Variants in TMEM45A observed in about 807,000 individuals in gnomAD.
TMEM45A encodes transmembrane protein 45A, also known as DNA polymerase-transactivated protein 4.
A neutral mutation model predicts 32.0 loss-of-function variants in TMEM45A; 25 were observed. That is an observed-to-expected ratio of 0.78 (90% CI 0.57 to 1.09). The LOEUF (loss-of-function observed/expected upper bound fraction) is 1.09, where lower values mean the gene tolerates loss of function less well. Ranked by LOEUF, TMEM45A falls within the 50% of genes least tolerant of loss-of-function variation. The pLI, the probability that TMEM45A is intolerant of heterozygous loss-of-function variation, is 0.00. For missense variants in TMEM45A, 302 were observed against 325.0 expected, an observed-to-expected ratio of 0.93 and a Z score of 0.54; for synonymous variants, 122 against 114.8, an observed-to-expected ratio of 1.06 and a Z score of -0.40.
chr3:100,550,937 A>C (rs1706085173), intron 1 of TMEM45A, among the ~76,000 whole-genome samples: 1 of 150,766 alleles, frequency 6.6e-6, no homozygotes. Context: ...AGGAGGAAGA[A>C]TTTTTAGGAT....
At chr3:100,527,981 G>A (rs532357816) in intron 1 of TMEM45A, among the ~76,000 whole-genome samples, 17 of 152,216 alleles carry the variant, frequency 1.1e-4, no homozygotes, top group Middle Eastern at 6.8e-3. Context: ...ATCCCTTCAC[G>A]GATCACCACA....
At chr3:100,508,053 C>T (rs1708101710) in intron 1 of TMEM45A, among the ~76,000 whole-genome samples, 1 of 151,768 alleles carries the variant, frequency 6.6e-6, no homozygotes, top group Non-Finnish European at 1.5e-5. Flanking sequence ...GAAAGCAAAG[C>T]AGCTGGCCCA....
chr3:100,502,484 T>G (rs930734193), intron 1 of TMEM45A, among the ~76,000 whole-genome samples: 4 of 152,128 alleles, frequency 2.6e-5, no homozygotes, highest in African/African-American at 9.7e-5. Flanking sequence ...ATTTTTTTTT[T>G]GAGACAGGGT....
intron 1 of TMEM45A, among the ~76,000 whole-genome samples, chr3:100,497,767 A>G (rs1438374860): frequency 2.6e-5 from 4 of 152,174 alleles, no homozygotes; most frequent in African/African-American, 9.6e-5. Flanking sequence ...ATAATATTTC[A>G]TTGTATGTAT....
At chr3:100,525,843 G>A (rs1054435118) in intron 1 of TMEM45A, among the ~76,000 whole-genome samples, 1 of 152,148 alleles carries the variant, frequency 6.6e-6, no homozygotes, top group African/African-American at 2.4e-5. Context: ...ACAGGGATGC[G>A]ACAAGTAGTA....
At chr3:100,549,550 G>A (rs1177734577) in intron 1 of TMEM45A, among the ~76,000 whole-genome samples, 2 of 152,214 alleles carry the variant, frequency 1.3e-5, no homozygotes, top group Non-Finnish European at 2.9e-5. Context: ...TGGACAGGGA[G>A]GCTGGAGGTT....
intron 1 of TMEM45A, among the ~76,000 whole-genome samples, chr3:100,509,965 C>T (rs1708132668): frequency 6.6e-6 from 1 of 152,224 alleles, no homozygotes. Flanking sequence ...CTCGGAGGGT[C>T]CTACGCCCAC....
At chr3:100,540,023 G>A (rs1295079376) in intron 1 of TMEM45A, among the ~76,000 whole-genome samples, 2 of 151,976 alleles carry the variant, frequency 1.3e-5, no homozygotes, top group African/African-American at 4.8e-5. Flanking sequence ...GATAACAGAG[G>A]AAAATCTAGT....
chr3:100,510,907 A>G (rs1708149758), intron 1 of TMEM45A, among the ~76,000 whole-genome samples: 7 of 152,224 alleles, frequency 4.6e-5, no homozygotes, highest in Admixed American at 4.6e-4. Flanking sequence ...ATGAAGTGAG[A>G]AGGGAAGTTT....
intron 1 of TMEM45A, among the ~76,000 whole-genome samples, chr3:100,548,612 G>A (rs749892650): frequency 6.6e-6 from 1 of 152,094 alleles, no homozygotes; most frequent in Non-Finnish European, 1.5e-5. Context: ...TCCTCTCCCC[G>A]TCTTACACAT....
chr3:100,521,866 A>C (rs1559639197), intron 1 of TMEM45A, among the ~76,000 whole-genome samples: 1 of 152,180 alleles, frequency 6.6e-6, no homozygotes, highest in Non-Finnish European at 1.5e-5. Flanking sequence ...ATGACTGTGA[A>C]GTATATTTCT....
chr3:100,558,683 C>A (rs868724077), intron 4 of TMEM45A, 94 bp downstream of exon 4: 4 of 1,230,638 alleles, frequency 3.3e-6, no homozygotes, highest in Middle Eastern at 2.3e-4. Context: ...GACTTCCCTC[C>A]AACATACTGC....
At chr3:100,523,182 A>C (rs1705468813) in intron 1 of TMEM45A, among the ~76,000 whole-genome samples, 1 of 152,150 alleles carries the variant, frequency 6.6e-6, no homozygotes, top group African/African-American at 2.4e-5. Context: ...CTTCTTATGC[A>C]ATGGTTGCAG....
intron 1 of TMEM45A, among the ~76,000 whole-genome samples, chr3:100,522,113 C>T (rs946792916): frequency 6.6e-6 from 1 of 151,938 alleles, no homozygotes; most frequent in Non-Finnish European, 1.5e-5. Context: ...GGGTAGTGGG[C>T]CCAGCTGCAC....
chr3:100,506,037 G>A (rs145550135), intron 1 of TMEM45A, among the ~76,000 whole-genome samples: 5 of 152,280 alleles, frequency 3.3e-5, no homozygotes, highest in East Asian at 3.9e-4. Context: ...ATTCAGCATC[G>A]TACTGACCAG....
chr3:100,504,348 T>C (rs1708052248), intron 1 of TMEM45A, among the ~76,000 whole-genome samples: 2 of 152,182 alleles, frequency 1.3e-5, no homozygotes, highest in African/African-American at 4.8e-5. Flanking sequence ...CCTGTCCTTG[T>C]AGATGGTAAC....
At chr3:100,513,469 C>T (rs1472167899) in intron 1 of TMEM45A, among the ~76,000 whole-genome samples, 24 of 149,332 alleles carry the variant, frequency 1.6e-4, no homozygotes, top group Non-Finnish European at 3.0e-4. Context: ...ATTGATGGGA[C>T]GTATCTCAAA....
At chr3:100,561,087 C>A (rs1172519043) in intron 4 of TMEM45A, among the ~76,000 whole-genome samples, 6 of 152,126 alleles carry the variant, frequency 3.9e-5, no homozygotes. Flanking sequence ...GAAAAATGAA[C>A]ATTTAATACC....
intron 1 of TMEM45A, among the ~76,000 whole-genome samples, chr3:100,540,276 G>C (rs1261542637): frequency 6.6e-6 from 1 of 151,992 alleles, no homozygotes; most frequent in Non-Finnish European, 1.5e-5. Context: ...CCACAGACTG[G>C]GGAAAATGTT....
Sources: allele counts gnomAD v4.1 joint callset (sites outside exome capture counted in the v4.1 genomes callset), GRCh38; gene constraint gnomAD v4.1.1; transcripts MANE v1.5; gene names NCBI Gene and HGNC (gene_info 2026-07-23, HGNC 2026-07-21).